The following TOX variants were observed in gnomAD, a reference collection of about 807,000 sequenced individuals.
TOX encodes the protein thymocyte selection-associated high mobility group box protein TOX.
Under a neutral mutation model 53.7 loss-of-function variants are expected in TOX, and 11 were observed. The ratio of observed to expected loss-of-function variants is 0.20; its 90% CI spans 0.13 to 0.34. The LOEUF (loss-of-function observed/expected upper bound fraction) is 0.34. TOX is among the 10% of genes least tolerant of loss of function. The pLI is 1.00. For missense variants in TOX, 570 were observed against 664.6 expected, an observed-to-expected ratio of 0.86 and a Z score of 1.56; for synonymous variants, 225 against 245.3, an observed-to-expected ratio of 0.92 and a Z score of 0.77.
intron 1 of TOX, among the ~76,000 whole-genome samples, chr8:59,043,405 A>G (rs1803628696): frequency 6.6e-6 from 1 of 151,370 alleles, no homozygotes; most frequent in African/African-American, 2.4e-5. Flanking sequence ...TTATTATTAT[A>G]TAATTAATAT....
At chr8:59,013,413 C>CTTTTT (rs35734986) in intron 1 of TOX, among the ~76,000 whole-genome samples, 11 of 146,344 alleles carry the variant, frequency 7.5e-5, no homozygotes, top group Non-Finnish European at 7.5e-5. Context: ...TCAGATAGGC[C>CTTTTT]TTTTTTTTTT....
intron 1 of TOX, among the ~76,000 whole-genome samples, chr8:59,014,186 C>A (rs914131984): frequency 1.3e-5 from 2 of 152,070 alleles, no homozygotes; most frequent in African/African-American, 4.8e-5. Flanking sequence ...GACTTTTGTA[C>A]CATGGTGAAG....
intron 1 of TOX, among the ~76,000 whole-genome samples, chr8:59,028,895 T>C (rs968787149): frequency 2.0e-5 from 3 of 152,192 alleles, no homozygotes; most frequent in African/African-American, 7.2e-5. Flanking sequence ...TCAATTGTTT[T>C]TATCATTGCT....
intron 3 of TOX, among the ~76,000 whole-genome samples, chr8:58,869,218 T>C (rs1433189641): frequency 1.6e-5 from 2 of 123,446 alleles, no homozygotes; most frequent in Non-Finnish European, 3.3e-5. Context: ...AGAGCGAGAC[T>C]GCGTCTCAAA....
rs1353686773 is a variant in TOX, at chr8:59,002,548, G to A, written c.103-42540C>T. ...CGGAGCTTGCAGTGAGCGAGATCGC[G>A]CCACTGCACTCCAGCCTGGGCAACA... On this transcript the variant is annotated intron_variant, in intron 1 of 8. Coordinates refer to ENST00000361421, the MANE Select transcript of TOX (RefSeq NM_014729.3). Among the ~76,000 whole-genome samples the A allele has an allele frequency of 8.6e-5, 13 of 150,730 alleles. No individual in the cohort carries two copies. In the East Asian group the frequency reaches 1.2e-3, roughly 14 times the overall value.
chr8:58,855,572 C>T (rs1357097482), intron 3 of TOX, among the ~76,000 whole-genome samples: 1 of 152,138 alleles, frequency 6.6e-6, no homozygotes, highest in Non-Finnish European at 1.5e-5. Flanking sequence ...ATTCATCTAT[C>T]CAGGCCTTAA....
intron 1 of TOX, among the ~76,000 whole-genome samples, chr8:59,089,004 A>G (rs1208797198): frequency 6.6e-6 from 1 of 152,204 alleles, no homozygotes; most frequent in African/African-American, 2.4e-5. Flanking sequence ...TCAGCATCCA[A>G]GTTTAAGATA....
chr8:59,052,772 G>A (rs79671280), intron 1 of TOX, among the ~76,000 whole-genome samples: 7 of 152,094 alleles, frequency 4.6e-5, no homozygotes, highest in Non-Finnish European at 7.4e-5. Flanking sequence ...ACATTCCTTA[G>A]CATATTAATA....
chr8:58,958,424 G>C (rs1486293637), intron 2 of TOX, among the ~76,000 whole-genome samples: 2 of 152,134 alleles, frequency 1.3e-5, no homozygotes, highest in African/African-American at 4.8e-5. Context: ...TGTTTCTACT[G>C]TTTCAAACAA....
intron 3 of TOX, among the ~76,000 whole-genome samples, chr8:58,933,425 G>GTTCC (rs1243065273): frequency 6.6e-6 from 1 of 152,100 alleles, no homozygotes; most frequent in Non-Finnish European, 1.5e-5. Context: ...TGCTAAAATA[G>GTTCC]TTCCGTAGTT....
chr8:58,854,245 G>A (rs992706082), intron 3 of TOX, among the ~76,000 whole-genome samples: 8 of 152,112 alleles, frequency 5.3e-5, no homozygotes, highest in Non-Finnish European at 8.8e-5. Context: ...TACAAAACAC[G>A]TACAGTCTGT....
intron 1 of TOX, among the ~76,000 whole-genome samples, chr8:59,002,731 T>G (rs946137975): frequency 2.2e-4 from 33 of 152,210 alleles, no homozygotes; most frequent in African/African-American, 7.7e-4. Flanking sequence ...TCTTATATTT[T>G]ATAAGTAAAA....
At chr8:58,883,865 A>G (rs537608168) in intron 3 of TOX, among the ~76,000 whole-genome samples, 1 of 152,314 alleles carries the variant, frequency 6.6e-6, no homozygotes, top group South Asian at 2.1e-4. Flanking sequence ...ATTAATGTAA[A>G]CAATAAATCT....
chr8:59,010,844 T>C (rs186297244), intron 1 of TOX, among the ~76,000 whole-genome samples: 29 of 152,376 alleles, frequency 1.9e-4, no homozygotes, highest in African/African-American at 6.7e-4. Context: ...AGCAGGGTTT[T>C]TGACAAAGCA....
intron 5 of TOX, among the ~76,000 whole-genome samples, chr8:58,832,183 T>C (rs1585849549): frequency 7.1e-6 from 1 of 141,006 alleles, no homozygotes; most frequent in South Asian, 2.3e-4. Flanking sequence ...AATATATATA[T>C]AATATATGTA....
At chr8:58,867,481 C>T (rs1811123084) in intron 3 of TOX, among the ~76,000 whole-genome samples, 1 of 152,170 alleles carries the variant, frequency 6.6e-6, no homozygotes, top group South Asian at 2.1e-4. Context: ...CGAGGGCAGC[C>T]TCCTCTAAGA....
intron 1 of TOX, among the ~76,000 whole-genome samples, chr8:59,076,663 A>C (rs948615598): frequency 6.6e-6 from 1 of 152,126 alleles, no homozygotes; most frequent in African/African-American, 2.4e-5. Context: ...ATTTTATGCT[A>C]ATTTTTTTGC....
chr8:59,100,781 A>G (rs1804792971), intron 1 of TOX, among the ~76,000 whole-genome samples: 1 of 152,214 alleles, frequency 6.6e-6, no homozygotes, highest in Non-Finnish European at 1.5e-5. Context: ...ACATAAAAAT[A>G]GTATTGAGTA....
intron 6 of TOX, among the ~76,000 whole-genome samples, chr8:58,819,219 G>A (rs1462975111): frequency 2.0e-5 from 3 of 152,152 alleles, no homozygotes; most frequent in Non-Finnish European, 4.4e-5. Flanking sequence ...TATTGCATAT[G>A]AAGACTTCTA....
Sources: allele counts gnomAD v4.1 joint callset (sites outside exome capture counted in the v4.1 genomes callset), GRCh38; gene constraint gnomAD v4.1.1; transcripts MANE v1.5; gene names NCBI Gene and HGNC (gene_info 2026-07-23, HGNC 2026-07-21).